The following CDH13 variants were observed in gnomAD, a reference collection of about 807,000 sequenced individuals.
CDH13 encodes cadherin 13.
CDH13 carries 24 observed loss-of-function variants against 63.8 expected under a neutral mutation model. That is an observed-to-expected ratio of 0.38 (90% CI 0.27 to 0.53). CDH13 has a LOEUF of 0.53. CDH13 is among the 20% of genes least tolerant of loss of function. The probability of loss-of-function intolerance (pLI) is 0.85; values close to 1 mark genes in which losing one functional copy is unlikely to be tolerated. For synonymous variants in CDH13, 503 were observed against 355.3 expected, an observed-to-expected ratio of 1.42 and a Z score of -4.67; for missense variants, 1,049 against 903.1, an observed-to-expected ratio of 1.16 and a Z score of -2.07.
chr16:82,941,726 C>G (rs1389595132), intron 2 of CDH13, among the ~76,000 whole-genome samples: 1 of 152,104 alleles, frequency 6.6e-6, no homozygotes, highest in East Asian at 1.9e-4. Context: ...TTTTCTTTTT[C>G]CATCCCTGTT....
At chr16:83,046,615 C>T (rs1816180631) in intron 3 of CDH13, among the ~76,000 whole-genome samples, 2 of 152,170 alleles carry the variant, frequency 1.3e-5, no homozygotes, top group Admixed American at 6.5e-5. Flanking sequence ...AAATAGCCCA[C>T]TGGGAAGGCC....
At chr16:83,223,099 C>T (rs1434883540) in intron 5 of CDH13, among the ~76,000 whole-genome samples, 1 of 151,954 alleles carries the variant, frequency 6.6e-6, no homozygotes, top group South Asian at 2.1e-4. Context: ...AGAGAAGTGT[C>T]ATAGTCCATT....
intron 6 of CDH13, among the ~76,000 whole-genome samples, chr16:83,443,482 G>A (rs903499275): frequency 4.0e-5 from 6 of 151,862 alleles, no homozygotes; most frequent in Non-Finnish European, 7.4e-5. Context: ...GAATTTTTAC[G>A]GGTTACTAGC....
chr16:83,517,916 T>C (rs1309094189), intron 7 of CDH13, among the ~76,000 whole-genome samples: 1 of 152,152 alleles, frequency 6.6e-6, no homozygotes, highest in Non-Finnish European at 1.5e-5. Flanking sequence ...TCGATATTAT[T>C]ATCGTTCTCA....
chr16:83,209,615 G>A (rs1430806345), intron 4 of CDH13, among the ~76,000 whole-genome samples: 1 of 152,170 alleles, frequency 6.6e-6, no homozygotes, highest in Non-Finnish European at 1.5e-5. Flanking sequence ...GGCAAATAAA[G>A]TTGTACTTCT....
intron 3 of CDH13, among the ~76,000 whole-genome samples, chr16:83,062,366 C>G (rs1057211553): frequency 1.3e-5 from 2 of 152,146 alleles, no homozygotes; most frequent in African/African-American, 4.8e-5. Flanking sequence ...TCTCCAGTTC[C>G]TATCAGTGCC....
chr16:83,238,593 T>C (rs1904285114), intron 5 of CDH13, among the ~76,000 whole-genome samples: 1 of 152,170 alleles, frequency 6.6e-6, no homozygotes, highest in African/African-American at 2.4e-5. Context: ...GATTTCTATG[T>C]CCATAGTGGT....
At chr16:83,629,192 G>A (rs1032988374) in intron 8 of CDH13, among the ~76,000 whole-genome samples, 7 of 152,190 alleles carry the variant, frequency 4.6e-5, no homozygotes, top group Admixed American at 3.9e-4. Flanking sequence ...AGCCAGTTAA[G>A]CATATGTTTC....
intron 4 of CDH13, among the ~76,000 whole-genome samples, chr16:83,201,114 C>T (rs758831016): frequency 5.4e-4 from 82 of 152,224 alleles, no homozygotes; most frequent in African/African-American, 1.8e-3. Context: ...GGTAGCTGTG[C>T]CTGTTCATTG....
chr16:83,667,027 ATGGGTGGATG>A, intron 8 of CDH13, among the ~76,000 whole-genome samples: 1 of 47,464 alleles, frequency 2.1e-5, no homozygotes, highest in Middle Eastern at 0.016. Flanking sequence ...GGATGGATGG[ATGGGTGGATG>A]GATGAATGGA....
In CDH13 at chr16:83,734,976, G is replaced by A. The variant is rs147042413; in HGVS notation, c.1539-13132G>A. On this transcript the variant is annotated intron_variant, in intron 10 of 13. Coordinates refer to ENST00000567109, the MANE Select transcript of CDH13 (RefSeq NM_001257.5). The stretch of plus-strand genomic sequence containing the variant: ...TAACTTTCTCAAGTTTTAAAGTCTG[G>A]AAGGAACAATTTCTGTGGTTATTCA... 8.7e-5 allele frequency among the ~76,000 whole-genome samples: 12 copies of A among 137,358 alleles called. No individual in the cohort carries two copies. The East Asian group carries it at 2.4e-3, about 28-fold the overall frequency. The allele number at this position is 137,358 out of a possible 152,430, so 90.1% of individuals were successfully genotyped here.
chr16:82,976,675 G>T (rs1909555227), intron 2 of CDH13, among the ~76,000 whole-genome samples: 1 of 152,138 alleles, frequency 6.6e-6, no homozygotes, highest in African/African-American at 2.4e-5. Flanking sequence ...AGGTGAGATT[G>T]GCACTGAGGG....
intron 6 of CDH13, among the ~76,000 whole-genome samples, chr16:83,481,515 C>T (rs977165901): frequency 2.0e-5 from 3 of 152,172 alleles, no homozygotes; most frequent in Non-Finnish European, 1.5e-5. Flanking sequence ...GTCAAGAAAC[C>T]AGGCGGCACT....
intron 4 of CDH13, chr16:83,171,509 C>G: frequency 6.5e-7 from 1 of 1,531,724 alleles, no homozygotes; most frequent in Non-Finnish European, 8.7e-7. Context: ...CATAAATAAT[C>G]TTTGTTTTTC....
intron 5 of CDH13, among the ~76,000 whole-genome samples, chr16:83,233,594 G>A (rs574183378): frequency 1.3e-3 from 196 of 152,148 alleles, no homozygotes; most frequent in Non-Finnish European, 2.0e-3. Context: ...TCCAACTTTT[G>A]GGGGCCACCT....
At chr16:83,397,482 T>C (rs965555684) in intron 6 of CDH13, 1 of 152,220 alleles carries the variant, frequency 6.6e-6, no homozygotes, top group African/African-American at 2.4e-5. Context: ...GTTCTTGATA[T>C]GCAGACTAAT....
intron 3 of CDH13, among the ~76,000 whole-genome samples, chr16:83,086,394 G>A (rs991797254): frequency 5.3e-5 from 8 of 152,174 alleles, no homozygotes; most frequent in Non-Finnish European, 1.0e-4. Context: ...ATCTGTAAAA[G>A]GGGATAATTC....
intron 3 of CDH13, among the ~76,000 whole-genome samples, chr16:83,044,326 C>T (rs1917587678): frequency 1.3e-5 from 2 of 152,144 alleles, no homozygotes; most frequent in South Asian, 2.1e-4. Flanking sequence ...TTGTGCTTTT[C>T]TATTTTTCAG....
chr16:83,020,968 C>T (rs1423694508), intron 2 of CDH13, among the ~76,000 whole-genome samples: 1 of 152,186 alleles, frequency 6.6e-6, no homozygotes, highest in East Asian at 1.9e-4. Context: ...CATTAATTTA[C>T]CCTTGAGATG....
Sources: allele counts gnomAD v4.1 joint callset (sites outside exome capture counted in the v4.1 genomes callset), GRCh38; gene constraint gnomAD v4.1.1; transcripts MANE v1.5; gene names NCBI Gene and HGNC (gene_info 2026-07-23, HGNC 2026-07-21).